SLC4A4: variants seen among roughly 807,000 people sequenced by gnomAD.
SLC4A4 encodes the protein solute carrier family 4 member 4.
SLC4A4 carries 27 observed loss-of-function variants against 111.5 expected under a neutral mutation model. The ratio of observed to expected loss-of-function variants is 0.24; its 90% CI spans 0.18 to 0.33. SLC4A4 has a LOEUF of 0.33. Ranked by LOEUF, SLC4A4 falls within the 10% of genes least tolerant of loss-of-function variation. The probability of loss-of-function intolerance (pLI) is 1.00; values close to 1 mark genes in which losing one functional copy is unlikely to be tolerated. For missense variants in SLC4A4, 909 were observed against 1,315.5 expected, an observed-to-expected ratio of 0.69 and a Z score of 4.78; for synonymous variants, 443 against 463.4, an observed-to-expected ratio of 0.96 and a Z score of 0.57.
Position 71,166,012 on chromosome 4 carries a change from C to A in SLC4A4, c.-1-70564C>A, listed in dbSNP as rs74508232. ...GTGAAAGCAGAAGTAAAGCCAAGAG[C>A]CTTGAGTCCAGTTGTTTTGTCCATA... On this transcript the variant is annotated intron_variant, in intron 2 of 26. Coordinates refer to the SLC4A4 transcript ENST00000649996. Among the ~76,000 whole-genome samples, 992 of 152,198 alleles carry A rather than the reference C, an allele frequency of 6.5e-3. 9 individuals carry two copies. Among genetic ancestry groups the A allele is most frequent in the African/African-American group, 0.022 (916 of 41,516 alleles).
At chr4:71,506,485 C>T (rs145486623) in intron 16 of SLC4A4, among the ~76,000 whole-genome samples, 270 of 152,124 alleles carry the variant, frequency 1.8e-3, no homozygotes, top group African/African-American at 5.9e-3. Flanking sequence ...ATTTGGCTTT[C>T]GACTTTCCTG....
intron 16 of SLC4A4, among the ~76,000 whole-genome samples, chr4:71,499,600 G>A (rs938455455): frequency 1.3e-5 from 2 of 152,116 alleles, no homozygotes; most frequent in Non-Finnish European, 2.9e-5. Flanking sequence ...CCCGCCTCCA[G>A]TAGGCACCAT....
At chr4:71,363,524 GA>G (rs1247657343) in intron 6 of SLC4A4, among the ~76,000 whole-genome samples, 2 of 152,098 alleles carry the variant, frequency 1.3e-5, no homozygotes, top group Non-Finnish European at 2.9e-5. Flanking sequence ...CCATACCCTT[GA>G]ATTCAGACAT....
At chr4:71,237,153 G>C (rs1242638750) in intron 2 of SLC4A4, among the ~76,000 whole-genome samples, 4 of 152,156 alleles carry the variant, frequency 2.6e-5, no homozygotes, top group Non-Finnish European at 5.9e-5. Flanking sequence ...GGAAAAGATG[G>C]ACAAGCATTT....
At chr4:71,144,018 G>A (rs187926831) in intron 2 of SLC4A4, among the ~76,000 whole-genome samples, 4,437 of 152,216 alleles carry the variant, frequency 0.029, 226 homozygotes, top group African/African-American at 0.1. Flanking sequence ...TGAAGTCCTT[G>A]CCCATGCCTA....
intron 2 of SLC4A4, among the ~76,000 whole-genome samples, chr4:71,168,418 G>C (rs943852308): frequency 6.6e-6 from 1 of 151,784 alleles, no homozygotes; most frequent in Admixed American, 6.6e-5. Context: ...CCTGACCTCA[G>C]ATGATCTGCC....
chr4:71,268,507 T>C (rs2149077485), intron 3 of SLC4A4, among the ~76,000 whole-genome samples: 1 of 152,228 alleles, frequency 6.6e-6, no homozygotes, highest in East Asian at 1.9e-4. Context: ...TTAGCTTATT[T>C]TGTCATAGTT....
At chr4:71,391,806 A>T (rs1225595563) in intron 6 of SLC4A4, among the ~76,000 whole-genome samples, 1 of 151,882 alleles carries the variant, frequency 6.6e-6, no homozygotes, top group Non-Finnish European at 1.5e-5. Context: ...TACACCCTGG[A>T]TTTTAGGTGG....
At chr4:71,114,510 CA>C (rs2148953247) in intron 2 of SLC4A4, among the ~76,000 whole-genome samples, 1 of 149,984 alleles carries the variant, frequency 6.7e-6, no homozygotes, top group Non-Finnish European at 1.5e-5. Flanking sequence ...ACAACCCCAT[CA>C]AAAAGTGGGC....
At chr4:71,126,305 G>A (rs967357436) in intron 2 of SLC4A4, among the ~76,000 whole-genome samples, 1 of 152,092 alleles carries the variant, frequency 6.6e-6, no homozygotes, top group African/African-American at 2.4e-5. Flanking sequence ...CTGTTATTTT[G>A]TAGTGAGCCA....
At chr4:71,227,481 A>G (rs971552270) in intron 1 of SLC4A4, among the ~76,000 whole-genome samples, 4 of 152,222 alleles carry the variant, frequency 2.6e-5, no homozygotes, top group African/African-American at 9.6e-5. Context: ...GAATCCAGCC[A>G]TCCTACACTC....
intron 6 of SLC4A4, among the ~76,000 whole-genome samples, chr4:71,370,206 T>C (rs559808647): frequency 1.4e-4 from 21 of 152,340 alleles, no homozygotes; most frequent in Non-Finnish European, 2.2e-4. Flanking sequence ...GTTAAGTAAC[T>C]TGCCTAGATC....
chr4:71,409,924 A>G (rs771436151), intron 7 of SLC4A4, among the ~76,000 whole-genome samples: 21 of 152,366 alleles, frequency 1.4e-4, no homozygotes, highest in Non-Finnish European at 2.9e-4. Flanking sequence ...GGGCCAATGT[A>G]GAGCTCAGGC....
At chr4:71,528,962 A>G (rs1733683668) in intron 16 of SLC4A4, among the ~76,000 whole-genome samples, 1 of 152,104 alleles carries the variant, frequency 6.6e-6, no homozygotes, top group South Asian at 2.1e-4. Context: ...TATTTTTTCT[A>G]AATATTCTAC....
Position 71,539,391 on chromosome 4 carries a change from G to A in SLC4A4, c.2442+5003G>A, listed in dbSNP as rs192395410. 2.0e-4 allele frequency among the ~76,000 whole-genome samples: 31 copies of A among 152,024 alleles called. No homozygotes were observed. In the East Asian group the frequency reaches 4.1e-3, roughly 20 times the overall value. On this transcript the variant is annotated intron_variant, in intron 18 of 25. Coordinates refer to ENST00000264485, the MANE Select transcript of SLC4A4 (RefSeq NM_001098484.3). ...AAAGAACTTCCATTTGTCCTAGCCT[G>A]GGTTTTAAGACTCTTTGCCAGAGTA...
chr4:71,554,943 A>G (rs1305782092), intron 20 of SLC4A4, among the ~76,000 whole-genome samples, 197 bp from the exon 21 acceptor site: 1 of 151,854 alleles, frequency 6.6e-6, no homozygotes, highest in Non-Finnish European at 1.5e-5. Flanking sequence ...AAAGTCCATT[A>G]TACCCTTCTT....
rs1052738021 is a variant in SLC4A4, at chr4:71,449,985, T to C, written c.1054-404T>C. On this transcript the variant is annotated intron_variant, in intron 9 of 25. Transcript: ENST00000264485. ...GATCTTAACACTCAGCTTGAACTTT[T>C]CCTTCTTGAGTTATCAGCAATTTTT... Among the ~76,000 whole-genome samples the C allele has an allele frequency of 3.3e-5, 5 of 152,226 alleles. No homozygotes were observed. The East Asian group carries it at 5.8e-4, about 18-fold the overall frequency.
rs1363120551 is a variant in SLC4A4, at chr4:71,385,199, T to A, written c.731-12378T>A. The stretch of plus-strand genomic sequence containing the variant: ...TATATATATATATATATATTTTTTT[T>A]TTTTTTTTTTTTTTTTGAGACAGAG... On this transcript the variant is annotated intron_variant, in intron 6 of 25. Transcript: ENST00000264485. Among the ~76,000 whole-genome samples, 26 of 94,464 alleles carry A rather than the reference T, an allele frequency of 2.8e-4. No individual in the cohort carries two copies. In the South Asian group the frequency reaches 8.7e-3, roughly 32 times the overall value. The allele number at this position is 94,464 out of a possible 152,430, so 62.0% of individuals were successfully genotyped here.
intron 16 of SLC4A4, among the ~76,000 whole-genome samples, chr4:71,503,817 T>G (rs929346306): frequency 6.6e-6 from 1 of 152,184 alleles, no homozygotes; most frequent in Admixed American, 6.5e-5. Context: ...AATATCATCC[T>G]TTTGTTTACA....
Sources: gnomAD v4.1 joint callset for allele counts (sites outside exome capture counted in the v4.1 genomes callset) on GRCh38, gnomAD v4.1.1 for gene constraint, MANE v1.5 for transcripts, NCBI Gene and HGNC (gene_info 2026-07-23, HGNC 2026-07-21) for gene names.